CADPS: variants seen among roughly 807,000 people sequenced by gnomAD.
The protein encoded by CADPS is calcium-dependent secretion activator 1.
In CADPS, 57 loss-of-function variants were observed where a neutral mutation model predicts 167.3. That is an observed-to-expected ratio of 0.34 (90% CI 0.28 to 0.42). The LOEUF (loss-of-function observed/expected upper bound fraction) is 0.42. CADPS is among the 20% of genes least tolerant of loss of function. The pLI is 1.00. For missense variants in CADPS, 1,414 were observed against 1,738.1 expected (o/e 0.81, Z 3.32); for synonymous variants, 676 against 635.3 (o/e 1.06, Z -0.96).
At chr3:62,588,440 T>C (rs961334659) in intron 7 of CADPS, among the ~76,000 whole-genome samples, 3 of 152,158 alleles carry the variant, frequency 2.0e-5, no homozygotes, top group East Asian at 3.9e-4. Flanking sequence ...GGACAAATGA[T>C]TGGACACAGA....
At chr3:62,843,492 GGTGT>G (rs150223612) in intron 1 of CADPS, among the ~76,000 whole-genome samples, 14 of 149,096 alleles carry the variant, frequency 9.4e-5, no homozygotes, top group South Asian at 4.3e-4. Context: ...TGGCAGTTGG[GGTGT>G]GTGTGTGTGT....
intron 26 of CADPS, among the ~76,000 whole-genome samples, chr3:62,457,936 T>C (rs1576333293): frequency 6.6e-6 from 1 of 151,458 alleles, no homozygotes; most frequent in East Asian, 1.9e-4. Context: ...TGTTGAAGGG[T>C]GGGGGACTAG....
intron 26 of CADPS, among the ~76,000 whole-genome samples, chr3:62,447,587 T>C (rs368689601): frequency 6.6e-6 from 1 of 152,060 alleles, no homozygotes; most frequent in African/African-American, 2.4e-5. Context: ...AGGGAAGCAA[T>C]GAGAGAAAGC....
intron 6 of CADPS, among the ~76,000 whole-genome samples, chr3:62,614,592 G>C (rs1246350948): frequency 2.0e-5 from 3 of 152,194 alleles, no homozygotes; most frequent in Non-Finnish European, 4.4e-5. Context: ...TCTGGCTCTT[G>C]TAAACATTTA....
chr3:62,824,612 C>T (rs998670432), intron 1 of CADPS, among the ~76,000 whole-genome samples: 5 of 152,068 alleles, frequency 3.3e-5, no homozygotes, highest in African/African-American at 4.8e-5. Flanking sequence ...AACAAAAATC[C>T]ACAGTGGTAA....
chr3:62,461,405 C>T (rs2059333923), intron 26 of CADPS, among the ~76,000 whole-genome samples: 1 of 152,124 alleles, frequency 6.6e-6, no homozygotes, highest in African/African-American at 2.4e-5. Context: ...CCCAGTCTCC[C>T]TACCCTGTGC....
At chr3:62,469,482 C>G (rs1182886523) in intron 24 of CADPS, among the ~76,000 whole-genome samples, 2 of 151,856 alleles carry the variant, frequency 1.3e-5, no homozygotes, top group East Asian at 3.9e-4. Flanking sequence ...AAAGAGGGAG[C>G]TTTACCATTT....
chr3:62,765,826 T>C lies in CADPS; in HGVS notation c.555+45A>G, dbSNP rs755498932. The C allele has an allele frequency of 7.6e-6, 10 of 1,309,868 alleles. No homozygotes were observed. In the East Asian group the frequency reaches 9.3e-5, roughly 12 times the overall value. 81.1% of individuals were successfully genotyped at this position (1,309,868 alleles called of 1,614,324 possible). The stretch of plus-strand genomic sequence containing the variant: ...CCCTGCAGCTCAGACTCCCCAGGCA[T>C]AGGGCTTGAGTGGTCTTGGCATTCT... On this transcript the variant is annotated intron_variant, in intron 2 of 29. Transcript: ENST00000383710.
At chr3:62,746,439 G>A (rs933045648) in intron 3 of CADPS, among the ~76,000 whole-genome samples, 3 of 152,080 alleles carry the variant, frequency 2.0e-5, no homozygotes, top group South Asian at 2.1e-4. Flanking sequence ...GGTCTCAAGC[G>A]ATTCTCCCAC....
chr3:62,723,771 C>T (rs970168782), intron 3 of CADPS, among the ~76,000 whole-genome samples: 1 of 152,254 alleles, frequency 6.6e-6, no homozygotes, highest in African/African-American at 2.4e-5. Context: ...GCCTGCTGCT[C>T]TGAGCCTGGC....
chr3:62,429,031 GA>G (rs1196269396), intron 28 of CADPS, among the ~76,000 whole-genome samples: 2 of 152,192 alleles, frequency 1.3e-5, no homozygotes, highest in East Asian at 3.8e-4. Flanking sequence ...GTGTGTAGTA[GA>G]ATCATTTTAC....
intron 28 of CADPS, among the ~76,000 whole-genome samples, chr3:62,411,086 G>A (rs935606234): frequency 6.6e-6 from 1 of 152,120 alleles, no homozygotes; most frequent in African/African-American, 2.4e-5. Flanking sequence ...CTGGGGAACA[G>A]AGCAAACCCC....
At position 62,875,083 on chromosome 3, in the gene CADPS, T is replaced by G. The variant is rs1018133027; in HGVS notation, c.-54A>C. On this transcript the variant is annotated 5_prime_UTR_variant, in exon 1 of 30. Transcript: ENST00000383710. ...AGCCCCCGGCTTGGAGTGCAAAAGGTGGGGGGCGCTGGAGGCAGCCGGGGA... is the reference window on the plus strand; with the variant it reads ...AGCCCCCGGCTTGGAGTGCAAAAGGGGGGGGGCGCTGGAGGCAGCCGGGGA... The G allele has an allele frequency of 6.6e-7, 1 of 1,506,686 alleles. No individual in the cohort carries two copies. The highest frequency in any genetic ancestry group is 8.9e-7 in the Non-Finnish European group (1 of 1,121,302). 93.3% of individuals were successfully genotyped at this position (1,506,686 alleles called of 1,614,324 possible).
intron 3 of CADPS, among the ~76,000 whole-genome samples, chr3:62,691,831 T>C (rs2079179554): frequency 6.6e-6 from 1 of 152,038 alleles, no homozygotes; most frequent in South Asian, 2.1e-4. Flanking sequence ...GATGCTGGGC[T>C]TAATACCTTG....
chr3:62,869,993 C>T (rs6802069), intron 1 of CADPS, among the ~76,000 whole-genome samples: 2,396 of 152,146 alleles, frequency 0.016, 61 homozygotes, highest in African/African-American at 0.053. Context: ...ATTTAATTTC[C>T]TTTGTTCTTC....
At chr3:62,790,501 T>A (rs1275041564) in intron 1 of CADPS, among the ~76,000 whole-genome samples, 4 of 152,170 alleles carry the variant, frequency 2.6e-5, no homozygotes, top group African/African-American at 9.6e-5. Flanking sequence ...TAAACAGTGC[T>A]ATATTTCAGT....
At chr3:62,493,526 T>C in intron 19 of CADPS, 119 bp downstream of exon 19, 1 of 691,816 alleles carries the variant, frequency 1.4e-6, no homozygotes, top group South Asian at 2.0e-5. Context: ...AATGAAAGGG[T>C]TTGTTCAATG....
At chr3:62,426,089 A>G (rs1377864317) in intron 28 of CADPS, among the ~76,000 whole-genome samples, 1 of 152,154 alleles carries the variant, frequency 6.6e-6, no homozygotes, top group Non-Finnish European at 1.5e-5. Context: ...ATGTATCGCT[A>G]CTTTTCTCTC....
At chr3:62,620,567 C>A (rs2063024109) in intron 6 of CADPS, among the ~76,000 whole-genome samples, 2 of 152,170 alleles carry the variant, frequency 1.3e-5, no homozygotes, top group Non-Finnish European at 2.9e-5. Context: ...ACTACTGCTT[C>A]CATGCTTTAG....
Sources: allele counts gnomAD v4.1 joint callset (sites outside exome capture counted in the v4.1 genomes callset), GRCh38; gene constraint gnomAD v4.1.1; transcripts MANE v1.5; gene names NCBI Gene and HGNC (gene_info 2026-07-23, HGNC 2026-07-21).